ROPN1B: variants seen among roughly 807,000 people sequenced by gnomAD.
The protein encoded by ROPN1B is rhophilin associated tail protein 1B.
Under a neutral mutation model 23.7 loss-of-function variants are expected in ROPN1B, and 13 were observed. The observed-to-expected ratio is 0.55, with a 90% confidence interval of 0.36 to 0.87. The LOEUF is 0.87. Ranked by LOEUF, ROPN1B falls within the 40% of genes least tolerant of loss-of-function variation. The pLI, the probability that ROPN1B is intolerant of heterozygous loss-of-function variation, is 0.01. For synonymous variants in ROPN1B, 67 were observed against 100.4 expected (o/e 0.67, Z 1.99); for missense variants, 183 against 249.2 (o/e 0.73, Z 1.79).
chr3:125,975,205 A>G (rs1350697693), intron 3 of ROPN1B, among the ~76,000 whole-genome samples: 1 of 152,198 alleles, frequency 6.6e-6, no homozygotes, highest in Non-Finnish European at 1.5e-5. Context: ...TCCCAAGATT[A>G]TATATACACA....
chr3:125,981,098 A>C (rs1489841008), intron 5 of ROPN1B, among the ~76,000 whole-genome samples: 1 of 152,158 alleles, frequency 6.6e-6, no homozygotes, highest in African/African-American at 2.4e-5. Context: ...TACTAAATGT[A>C]AAGAAACAAA....
At chr3:125,971,488 G>C (rs567185611) in intron 2 of ROPN1B, among the ~76,000 whole-genome samples, 107 of 152,312 alleles carry the variant, frequency 7.0e-4, no homozygotes, top group African/African-American at 2.5e-3. Context: ...TTTTCCGCCT[G>C]ACAATTAGAG....
intron 1 of ROPN1B, 108 bp from the exon 2 acceptor site, chr3:125,971,009 G>C (rs1422972298): frequency 1.3e-5 from 2 of 153,640 alleles, no homozygotes; most frequent in Admixed American, 6.5e-5. Flanking sequence ...TTCACGCTGA[G>C]GGTGTAGTCC....
intron 6 of ROPN1B, among the ~76,000 whole-genome samples, 155 bp from the exon 7 acceptor site, chr3:125,983,099 C>T (rs1028960178): frequency 1.4e-4 from 22 of 152,254 alleles, no homozygotes; most frequent in African/African-American, 5.3e-4. Context: ...CTTACTCCAG[C>T]CTGGACGACA....
Position 125,982,307 on chromosome 3 carries a change from T to C in ROPN1B, c.434T>C (p.Leu145Ser). ...TKTLKIVCEV[L>S]SCDHNGGLPR... ...ACTCTCAAGATAGTGTGTGAGGTCTTATCATGTGACCACAATGGTGGGTTG... is the reference window on the plus strand; with the variant it reads ...ACTCTCAAGATAGTGTGTGAGGTCTCATCATGTGACCACAATGGTGGGTTG... Residue 145 changes from leucine to serine, a missense_variant, in exon 6 of 7, where the codon TTA becomes TCA. Around this residue, in one of 3 missense-constraint regions of ROPN1B, gnomAD observed 80 missense variants for 98.0 expected, o/e 0.82. Transcript: ENST00000514116. 6.2e-7 allele frequency: 1 copy of C among 1,613,020 alleles called. No individual in the cohort carries two copies. The highest frequency in any genetic ancestry group is 8.5e-7 in the Non-Finnish European group (1 of 1,179,576).
intron 5 of ROPN1B, among the ~76,000 whole-genome samples, chr3:125,980,787 G>C (rs1318971696): frequency 1.3e-5 from 2 of 152,052 alleles, no homozygotes; most frequent in African/African-American, 4.8e-5. Flanking sequence ...CGGGTGAGCT[G>C]TGGGTGGAAA....
chr3:125,975,746 G>A (rs1412361221), intron 4 of ROPN1B, 66 bp downstream of exon 4: 61 of 1,449,982 alleles, frequency 4.2e-5, no homozygotes, highest in Middle Eastern at 1.8e-4. Flanking sequence ...GGGTACAGAC[G>A]AAAGCCCTCT....
intron 3 of ROPN1B, among the ~76,000 whole-genome samples, chr3:125,974,865 GCA>G (rs1559783754): frequency 5.9e-5 from 9 of 152,130 alleles, no homozygotes; most frequent in East Asian, 1.9e-4. Context: ...CCTGAGCCTT[GCA>G]CAGTGCCCTG....
At chr3:125,980,330 T>C (rs1938569149) in intron 5 of ROPN1B, among the ~76,000 whole-genome samples, 3 of 152,242 alleles carry the variant, frequency 2.0e-5, no homozygotes, top group Non-Finnish European at 4.4e-5. Flanking sequence ...TGTTTAGAGT[T>C]GAAAGCCCCT....
At chr3:125,978,769 A>G (rs1938512004) in intron 5 of ROPN1B, among the ~76,000 whole-genome samples, 1 of 152,164 alleles carries the variant, frequency 6.6e-6, no homozygotes, top group Non-Finnish European at 1.5e-5. Context: ...AGGGTGTGCT[A>G]TCTGCTCCCT....
intron 6 of ROPN1B, 88 bp from the exon 7 acceptor site, chr3:125,983,166 T>A: frequency 1.1e-6 from 1 of 936,090 alleles, no homozygotes. Context: ...AACAGCAGAA[T>A]TAATGTGAAA....
chr3:125,973,965 A>C (rs1288777415), intron 3 of ROPN1B: 2 of 153,790 alleles, frequency 1.3e-5, no homozygotes, highest in Non-Finnish European at 2.9e-5. Flanking sequence ...TCTGGTAGGC[A>C]TGTGTTACAA....
chr3:125,975,980 C>T (rs1011699075), intron 4 of ROPN1B, among the ~76,000 whole-genome samples: 4 of 146,540 alleles, frequency 2.7e-5, no homozygotes, highest in African/African-American at 9.9e-5. Context: ...CTCAGTCACT[C>T]GACAGTGTCT....
At position 125,975,771 on chromosome 3, in the gene ROPN1B, C is replaced by T. The variant is rs1011604320; in HGVS notation, c.234+91C>T. On this transcript the variant is annotated intron_variant, in intron 4 of 6. Transcript: ENST00000514116. ...GAAAGCCCTCTGTTCTCCTGCCAGT[C>T]AGCTGACCACTTAGCACCACCCTAA... 111 of 1,173,964 alleles carry T rather than the reference C, an allele frequency of 9.5e-5. 1 individual carries two copies. In the Admixed American group the frequency reaches 2.4e-3, roughly 26 times the overall value. The allele number at this position is 1,173,964 out of a possible 1,614,324, so 72.7% of individuals were successfully genotyped here. A position where few individuals can be genotyped will look rare whatever the true frequency, so the allele number is the denominator to read the frequency against.
In ROPN1B at chr3:125,983,317, G is replaced by A. The variant is rs1289977447; in HGVS notation, c.636G>A (p.Glu212=). The change falls in exon 7 of 7, where the codon GAG becomes GAA. Residue 212 remains glutamate (E), a synonymous_variant. Transcript: ENST00000514116. The part of the protein sequence containing the change: ...DFTQNPRVWL[E] Reference sequence around the variant, plus strand: ...CCCAAAACCCCAGGGTTTGGCTGGAGTAACAGCACAATTTTGGCAATTTTA... The same window carrying A: ...CCCAAAACCCCAGGGTTTGGCTGGAATAACAGCACAATTTTGGCAATTTTA... The A allele has an allele frequency of 6.2e-7, 1 of 1,612,280 alleles. No individual in the cohort carries two copies. The highest frequency in any genetic ancestry group is 1.1e-5 in the South Asian group (1 of 91,032).
chr3:125,973,744 C>T (rs1580341896), intron 3 of ROPN1B: 1 of 152,418 alleles, frequency 6.6e-6, no homozygotes, highest in East Asian at 1.9e-4. Context: ...CCTAAGAGCC[C>T]CCTCCATTCT....
intron 4 of ROPN1B, among the ~76,000 whole-genome samples, chr3:125,976,379 T>C (rs1184505767): frequency 6.6e-6 from 1 of 152,210 alleles, no homozygotes; most frequent in Non-Finnish European, 1.5e-5. Flanking sequence ...CTTGTTGCAT[T>C]GGTGGCCAAC....
chr3:125,978,253 C>T (rs1269373417), intron 5 of ROPN1B, among the ~76,000 whole-genome samples: 3 of 146,426 alleles, frequency 2.0e-5, no homozygotes, highest in South Asian at 2.2e-4. Flanking sequence ...AAATCACAAA[C>T]GGGAAGATAA....
intron 3 of ROPN1B, 23 bp from the exon 4 acceptor site, chr3:125,975,540 C>T (rs199851507): frequency 8.2e-4 from 1,309 of 1,596,800 alleles, no homozygotes; most frequent in Non-Finnish European, 1.0e-3. Flanking sequence ...GATCCTCCTA[C>T]TCTCTGACTT....
Sources: allele counts gnomAD v4.1 joint callset (sites outside exome capture counted in the v4.1 genomes callset), GRCh38; gene constraint gnomAD v4.1.1; regional missense constraint gnomAD v4.1.1; transcripts MANE v1.5; gene names NCBI Gene and HGNC (gene_info 2026-07-23, HGNC 2026-07-21).